RARB: variants seen among roughly 807,000 people sequenced by gnomAD.
RARB encodes the protein retinoic acid receptor beta.
In RARB, 17 loss-of-function variants were observed where a neutral mutation model predicts 51.9. The observed-to-expected ratio is 0.33, with a 90% CI of 0.22 to 0.49. RARB has a LOEUF of 0.49. Among genes scored for constraint, RARB ranks in the 20% least tolerant of loss-of-function variants. The pLI is 0.99. For missense variants in RARB, 369 were observed against 550.8 expected (o/e 0.67, Z 3.30); for synonymous variants, 215 against 195.4 (o/e 1.10, Z -0.84).
intron 5 of RARB, among the ~76,000 whole-genome samples, chr3:25,227,277 A>T (rs1180940128): frequency 6.6e-6 from 1 of 151,224 alleles, no homozygotes; most frequent in Non-Finnish European, 1.5e-5. Flanking sequence ...TATATAATAA[A>T]ATAAATCAGT....
chr3:24,904,318 C>A (rs527928700), intron 2 of RARB, among the ~76,000 whole-genome samples: 1 of 151,878 alleles, frequency 6.6e-6, no homozygotes, highest in African/African-American at 2.4e-5. Context: ...TTAGGAAATG[C>A]CATGAAAACA....
chr3:24,996,182 T>C (rs1401663216), intron 2 of RARB, among the ~76,000 whole-genome samples: 2 of 152,094 alleles, frequency 1.3e-5, no homozygotes, highest in Admixed American at 6.6e-5. Flanking sequence ...TGGTTCAATC[T>C]TGGTACATTA....
intron 2 of RARB, among the ~76,000 whole-genome samples, chr3:24,907,127 A>G (rs1349263864): frequency 6.6e-6 from 1 of 152,184 alleles, no homozygotes; most frequent in African/African-American, 2.4e-5. Context: ...AGGCACTAGA[A>G]TACTTACGGT....
At chr3:24,909,527 C>T (rs1694944171) in intron 2 of RARB, among the ~76,000 whole-genome samples, 1 of 151,900 alleles carries the variant, frequency 6.6e-6, no homozygotes, top group Non-Finnish European at 1.5e-5. Flanking sequence ...CTAGGTGTTC[C>T]ATCTTGGAAG....
chr3:25,223,359 G>A, intron 5 of RARB, among the ~76,000 whole-genome samples: 1 of 152,286 alleles, frequency 6.6e-6, no homozygotes. Flanking sequence ...TTATTTTTAT[G>A]AGGAAAAGGC....
In RARB at chr3:25,330,403, C is replaced by G. The variant is rs569732074; in HGVS notation, c.179-130790C>G. ...GAATTTTCAACCCAGAATTTCATAT[C>G]CAGCCAAACTAAGCTTCATAAGTGA... On this transcript the variant is annotated intron_variant, in intron 5 of 11. Transcript: ENST00000383772. Among the ~76,000 whole-genome samples, 263 of 152,260 alleles carry G rather than the reference C, an allele frequency of 1.7e-3. 1 individual carries two copies. The highest frequency in any genetic ancestry group is 6.1e-3 in the African/African-American group (254 of 41,544).
intron 5 of RARB, among the ~76,000 whole-genome samples, chr3:25,237,148 C>A (rs186015851): frequency 8.6e-4 from 131 of 152,082 alleles, no homozygotes; most frequent in African/African-American, 3.0e-3. Context: ...AGCTTTCTTG[C>A]ATTAATATCT....
Position 25,435,123 on chromosome 3 carries a change from G to A in RARB, c.157+6235G>A, listed in dbSNP as rs1473294859. Among the ~76,000 whole-genome samples the A allele has an allele frequency of 2.6e-5, 4 of 152,112 alleles. No homozygotes were observed. In the East Asian group the frequency reaches 5.8e-4, roughly 22 times the overall value. On this transcript the variant is annotated intron_variant, in intron 1 of 7. Coordinates refer to ENST00000330688, the MANE Select transcript of RARB (RefSeq NM_000965.5). ...TCAGTCCACTGCTGTCTTAAAGATA[G>A]CTTCTTATTTTTTAAGTTTCAGTGT... is the stretch of plus-strand genomic sequence containing the variant.
chr3:25,092,940 A>T (rs1699224566), intron 3 of RARB, among the ~76,000 whole-genome samples: 1 of 152,192 alleles, frequency 6.6e-6, no homozygotes, highest in Non-Finnish European at 1.5e-5. Flanking sequence ...TTATAGCATT[A>T]CAGAGGTATA....
At chr3:25,377,373 A>C (rs1706495642) in intron 5 of RARB, among the ~76,000 whole-genome samples, 1 of 152,222 alleles carries the variant, frequency 6.6e-6, no homozygotes, top group Admixed American at 6.5e-5. Context: ...AAACGTGCAG[A>C]TAGACACATG....
rs749823239 is a variant in RARB at position 25,428,552 on chromosome 3, A to C, written c.-180A>C. 149 of 1,305,318 alleles carry C rather than the reference A, an allele frequency of 1.1e-4. No homozygotes were observed. Among genetic ancestry groups the C allele is most frequent in the Non-Finnish European group, 1.4e-4 (146 of 1,024,572 alleles). The allele number at this position is 1,305,318 out of a possible 1,614,324, so 80.9% of individuals were successfully genotyped here. A position where few individuals can be genotyped will look rare whatever the true frequency, so the allele number is the denominator to read the frequency against. On this transcript the variant is annotated 5_prime_UTR_variant, in exon 1 of 8. Transcript: ENST00000330688. ...AAATGGTAAATGATCATTTGGATCA[A>C]TTACAGGCTTTTAGCTGGCTTGTCT...
chr3:25,066,583 AT>A, intron 3 of RARB, among the ~76,000 whole-genome samples: 1 of 150,028 alleles, frequency 6.7e-6, no homozygotes, highest in East Asian at 2.0e-4. Flanking sequence ...GTATGTATGC[AT>A]ATGTGCACAC....
chr3:24,958,808 A>G (rs1439623714), intron 2 of RARB, among the ~76,000 whole-genome samples: 3 of 152,220 alleles, frequency 2.0e-5, no homozygotes, highest in Non-Finnish European at 2.9e-5. Flanking sequence ...TTAGATTTGC[A>G]GTTGAGATTT....
intron 3 of RARB, among the ~76,000 whole-genome samples, chr3:25,108,650 A>ATT (rs1184083201): frequency 6.6e-6 from 1 of 152,178 alleles, no homozygotes; most frequent in African/African-American, 2.4e-5. Flanking sequence ...TGATGGATAG[A>ATT]TTATCAGTCT....
At chr3:25,522,629 G>A (rs935139588) in intron 3 of RARB, among the ~76,000 whole-genome samples, 3 of 152,102 alleles carry the variant, frequency 2.0e-5, no homozygotes, top group Admixed American at 2.0e-4. Flanking sequence ...AGACATGAGG[G>A]CAGTTTGCAG....
At chr3:25,544,615 T>C (rs17016718) in intron 3 of RARB, among the ~76,000 whole-genome samples, 24,716 of 152,144 alleles carry the variant, frequency 0.16, 2,110 homozygotes, top group East Asian at 0.26. Context: ...GTAGAACTGC[T>C]CATCTGGAAT....
At chr3:25,529,634 A>G (rs1015303694) in intron 3 of RARB, among the ~76,000 whole-genome samples, 2 of 152,186 alleles carry the variant, frequency 1.3e-5, no homozygotes, top group African/African-American at 4.8e-5. Flanking sequence ...CTTTGTCTTA[A>G]AAGTATGTGA....
At chr3:25,326,975 G>A (rs1278404815) in intron 5 of RARB, among the ~76,000 whole-genome samples, 2 of 152,028 alleles carry the variant, frequency 1.3e-5, no homozygotes, top group Admixed American at 6.6e-5. Context: ...ATCTCCTAAT[G>A]CTATCCCTCC....
At chr3:25,226,743 C>T (rs73042374) in intron 5 of RARB, among the ~76,000 whole-genome samples, 15,399 of 152,086 alleles carry the variant, frequency 0.1, 957 homozygotes, top group South Asian at 0.26. Context: ...ATGTCCTTTC[C>T]TATCAGGCTG....
Sources: gnomAD v4.1 joint callset for allele counts (sites outside exome capture counted in the v4.1 genomes callset) on GRCh38, gnomAD v4.1.1 for gene constraint, MANE v1.5 for transcripts, NCBI Gene and HGNC (gene_info 2026-07-23, HGNC 2026-07-21) for gene names.